Variants in PCSK6 observed in about 807,000 individuals in gnomAD.
PCSK6 encodes paired basic amino acid cleaving enzyme 4.
PCSK6 carries 85 observed loss-of-function variants against 123.3 expected under a neutral mutation model. That is an observed-to-expected ratio of 0.69 (90% CI 0.58 to 0.83). PCSK6 has a LOEUF of 0.83. Among genes scored for constraint, PCSK6 ranks in the 40% least tolerant of loss-of-function variants. PCSK6 has a pLI of 0.00. For missense variants in PCSK6, 1,191 were observed against 1,282.3 expected, an observed-to-expected ratio of 0.93 and a Z score of 1.09; for synonymous variants, 508 against 516.0, an observed-to-expected ratio of 0.98 and a Z score of 0.21.
At chr15:101,334,033 G>T (rs963419775) in intron 13 of PCSK6, among the ~76,000 whole-genome samples, 5 of 152,136 alleles carry the variant, frequency 3.3e-5, no homozygotes, top group Non-Finnish European at 5.9e-5. Context: ...GGTAAGCAAG[G>T]CCCTCCTACA....
At chr15:101,373,626 G>A (rs954684951) in intron 11 of PCSK6, among the ~76,000 whole-genome samples, 4 of 152,120 alleles carry the variant, frequency 2.6e-5, no homozygotes, top group African/African-American at 9.7e-5. Flanking sequence ...TGATCATTGT[G>A]CTCAAATTTT....
intron 2 of PCSK6, among the ~76,000 whole-genome samples, chr15:101,434,815 T>C (rs567928048): frequency 2.6e-5 from 4 of 152,288 alleles, no homozygotes; most frequent in East Asian, 1.9e-4. Flanking sequence ...ACTGTGTCCC[T>C]TCCTCTGGGT....
chr15:101,393,978 G>C (rs947148231), intron 7 of PCSK6, among the ~76,000 whole-genome samples: 1 of 152,174 alleles, frequency 6.6e-6, no homozygotes, highest in Non-Finnish European at 1.5e-5. Flanking sequence ...AGACAGAATA[G>C]GTGGAAAGGG....
At chr15:101,360,993 A>G (rs951703511) in intron 13 of PCSK6, among the ~76,000 whole-genome samples, 3 of 152,200 alleles carry the variant, frequency 2.0e-5, no homozygotes, top group African/African-American at 7.2e-5. Flanking sequence ...TTTGTTCACC[A>G]GTGCATCCCC....
At chr15:101,311,286 T>TG (rs572076264) in intron 20 of PCSK6, among the ~76,000 whole-genome samples, 1 of 74,614 alleles carries the variant, frequency 1.3e-5, no homozygotes, top group African/African-American at 9.7e-5. Context: ...AATTTTTGCA[T>TG]TTTTTTTTTT....
intron 13 of PCSK6, among the ~76,000 whole-genome samples, chr15:101,361,697 G>A (rs117392596): frequency 6.6e-6 from 1 of 152,284 alleles, no homozygotes; most frequent in Non-Finnish European, 1.5e-5. Flanking sequence ...AGCTGTGGGA[G>A]GTCATTAAAG....
At chr15:101,397,814 G>A (rs560086743) in intron 7 of PCSK6, among the ~76,000 whole-genome samples, 111 of 152,340 alleles carry the variant, frequency 7.3e-4, no homozygotes, top group Non-Finnish European at 1.2e-3. Flanking sequence ...GGGTGGCCTC[G>A]CAGGAGCCTG....
chr15:101,427,345 C>T (rs1036162390), intron 6 of PCSK6, among the ~76,000 whole-genome samples: 7 of 152,226 alleles, frequency 4.6e-5, no homozygotes, highest in African/African-American at 1.7e-4. Context: ...GTGGACAGAG[C>T]CAAGTGGAAA....
At chr15:101,345,324 G>A (rs1195612202) in intron 13 of PCSK6, among the ~76,000 whole-genome samples, 1 of 152,134 alleles carries the variant, frequency 6.6e-6, no homozygotes, top group East Asian at 1.9e-4. Flanking sequence ...CTTTGTTTTG[G>A]AGTAATTTGT....
At chr15:101,432,221 G>C in intron 2 of PCSK6, 121 bp from the exon 3 acceptor site, 1 of 802,396 alleles carries the variant, frequency 1.2e-6, no homozygotes, top group Non-Finnish European at 2.1e-6. Context: ...AGATATTTTA[G>C]ATGGTAAGTT....
intron 13 of PCSK6, among the ~76,000 whole-genome samples, chr15:101,345,498 AATT>A (rs1270754059): frequency 6.6e-6 from 1 of 152,234 alleles, no homozygotes; most frequent in Non-Finnish European, 1.5e-5. Context: ...GGAAATTTAA[AATT>A]ATTTTTAAAA....
chr15:101,381,125 G>C (rs1284361249), intron 11 of PCSK6, among the ~76,000 whole-genome samples: 3 of 151,986 alleles, frequency 2.0e-5, no homozygotes, highest in African/African-American at 7.3e-5. Flanking sequence ...ACTTTGGGAG[G>C]CCAAGGCGGG....
chr15:101,440,057 T>C (rs531989261), intron 2 of PCSK6, among the ~76,000 whole-genome samples: 1 of 152,218 alleles, frequency 6.6e-6, no homozygotes, highest in Non-Finnish European at 1.5e-5. Flanking sequence ...CAAGTAATTT[T>C]AAAAAAATTT....
intron 5 of PCSK6, among the ~76,000 whole-genome samples, chr15:101,429,547 G>C (rs748804491): frequency 1.6e-4 from 25 of 152,082 alleles, no homozygotes; most frequent in Middle Eastern, 3.2e-3. Flanking sequence ...CTGAACCTGG[G>C]TCTATCCAGC....
At chr15:101,330,135 C>G (rs1202108591) in intron 15 of PCSK6, among the ~76,000 whole-genome samples, 1 of 152,236 alleles carries the variant, frequency 6.6e-6, no homozygotes, top group Non-Finnish European at 1.5e-5. Flanking sequence ...ACCTTCAGAA[C>G]CACAGCACTG....
chr15:101,353,316 T>C (rs2040948286), intron 13 of PCSK6, among the ~76,000 whole-genome samples: 1 of 152,138 alleles, frequency 6.6e-6, no homozygotes, highest in Non-Finnish European at 1.5e-5. Flanking sequence ...TCTAGTGCCT[T>C]TGCCGATGTG....
chr15:101,305,574 G>A lies in PCSK6; in HGVS notation c.2813-219C>T. The A allele has an allele frequency of 2.1e-6, 1 of 469,606 alleles. No homozygotes were observed. The highest frequency in any genetic ancestry group is 3.9e-6 in the Non-Finnish European group (1 of 256,602). 29.1% of individuals were successfully genotyped at this position (469,606 alleles called of 1,614,324 possible). On this transcript the variant is annotated intron_variant, in intron 21 of 21. Transcript: ENST00000611716. This position sits in a 1 kb window ranked among gnomAD's most constrained non-coding sequence, Gnocchi z 4.8. ...AATATAAAAATTAGCTGGGCATGGT[G>A]GTGGGCACCTGTAATCCAAGCTACT...
intron 20 of PCSK6, chr15:101,312,943 T>G (rs2039900731): frequency 1.4e-6 from 1 of 726,592 alleles, no homozygotes; most frequent in East Asian, 1.0e-4. Context: ...AGGCAGAGGT[T>G]GCAGTGAGCT....
chr15:101,442,295 G>A (rs569389008), intron 2 of PCSK6, among the ~76,000 whole-genome samples: 3 of 152,162 alleles, frequency 2.0e-5, no homozygotes, highest in Admixed American at 6.5e-5. Flanking sequence ...TATCTATCTC[G>A]TTCGACTTAT....
Sources: gnomAD v4.1 joint callset for allele counts (sites outside exome capture counted in the v4.1 genomes callset) on GRCh38, gnomAD v4.1.1 for gene constraint, Gnocchi (gnomAD v3.1) non-coding constraint, MANE v1.5 for transcripts, NCBI Gene and HGNC (gene_info 2026-07-23, HGNC 2026-07-21) for gene names.